Variants in ENY2 observed in about 807,000 individuals in gnomAD.
ENY2 encodes the protein transcription and mRNA export factor ENY2.
In ENY2, 4 loss-of-function variants were observed where a neutral mutation model predicts 15.9. The observed-to-expected ratio is 0.25, with a 90% CI of 0.12 to 0.57. The LOEUF (loss-of-function observed/expected upper bound fraction) is 0.57, where lower values mean the gene tolerates loss of function less well. Among genes scored for constraint, ENY2 ranks in the 20% least tolerant of loss-of-function variants. The pLI is 0.91. For missense variants in ENY2, 54 were observed against 117.2 expected (o/e 0.46, Z 2.49); for synonymous variants, 48 against 38.0 (o/e 1.26, Z -0.97).
chr8:109,342,164 C>CCCTTTTTT (rs1491293397), intron 4 of ENY2, among the ~76,000 whole-genome samples: 1 of 130,964 alleles, frequency 7.6e-6, no homozygotes, highest in Non-Finnish European at 1.7e-5. Context: ...TAACCCCCCC[C>CCCTTTTTT]TTTTTTTTTT....
chr8:109,340,747 T>C, intron 4 of ENY2, 184 bp downstream of exon 4: 1 of 639,994 alleles, frequency 1.6e-6, no homozygotes, highest in Non-Finnish European at 2.7e-6. Context: ...AGATACTAGG[T>C]TTCAGTGTTC....
intron 3 of ENY2, chr8:109,340,288 C>A: frequency 1.6e-6 from 1 of 615,714 alleles, no homozygotes; most frequent in Non-Finnish European, 2.7e-6. Flanking sequence ...GGTTATTTAG[C>A]TGAGACTTAC....
chr8:109,342,033 C>T (rs895322271), intron 4 of ENY2, among the ~76,000 whole-genome samples: 3 of 152,038 alleles, frequency 2.0e-5, no homozygotes, highest in Non-Finnish European at 2.9e-5. Context: ...TTAAACTAAA[C>T]AGTTTGTAAA....
At position 109,341,456 on chromosome 8, in the gene ENY2, G is replaced by GA. The variant is rs900465958; in HGVS notation, c.229+901dup. ...TTCTTCAAGTATGTCTCGGGGAAAG[G>GA]AAAAAAAATTATTATTCCCCTTATG... is the stretch of plus-strand genomic sequence containing the variant. On this transcript the variant is annotated intron_variant, in intron 4 of 4. Coordinates refer to ENST00000521688, the MANE Select transcript of ENY2 (RefSeq NM_020189.6). Among the ~76,000 whole-genome samples, 13 of 151,100 alleles carry GA rather than the reference G, an allele frequency of 8.6e-5. No homozygotes were observed. The East Asian group carries it at 2.3e-3, about 27-fold the overall frequency.
rs994265880 is a variant in ENY2, at chr8:109,344,836, C to T, written c.*1355C>T. ...TTGTAGTAGACTTAGTATTTCTTTGCCTTAGTTGATCTGTGACCCCTCCAA... is the reference window on the plus strand; with the variant it reads ...TTGTAGTAGACTTAGTATTTCTTTGTCTTAGTTGATCTGTGACCCCTCCAA... On this transcript the variant is annotated 3_prime_UTR_variant, in exon 5 of 5. Transcript: ENST00000521688. The T allele has an allele frequency of 2.0e-5, 3 of 152,180 alleles. No homozygotes were observed. The highest frequency in any genetic ancestry group is 7.2e-5 in the African/African-American group (3 of 41,444). 9.4% of individuals were successfully genotyped at this position (152,180 alleles called of 1,614,324 possible).
chr8:109,334,687 T>A (rs1207726554), intron 1 of ENY2: 1 of 581,500 alleles, frequency 1.7e-6, no homozygotes, highest in Non-Finnish European at 3.0e-6. Context: ...CCTGTTCTAT[T>A]TTCCCTAAGA....
intron 2 of ENY2, among the ~76,000 whole-genome samples, chr8:109,336,954 A>C (rs1052145447): frequency 8.6e-5 from 13 of 151,948 alleles, no homozygotes; most frequent in Non-Finnish European, 1.3e-4. Context: ...AATATGTATA[A>C]GGAAGAGGGG....
chr8:109,340,417 C>G, intron 3 of ENY2, 72 bp from the exon 4 acceptor site: 1 of 1,587,320 alleles, frequency 6.3e-7, no homozygotes, highest in Non-Finnish European at 8.6e-7. Context: ...GATCTTAACC[C>G]TTCCTCTATG....
Position 109,344,331 on chromosome 8 carries a change from G to C in ENY2, c.*850G>C, listed in dbSNP as rs1816186927. On this transcript the variant is annotated 3_prime_UTR_variant, in exon 5 of 5. Transcript: ENST00000521688. Reference sequence around the variant, plus strand: ...TTGCTGTCTGGGACTTGTAGATAATGGTGTTTCCTAGGGCTCCCTCCAGGG... The same window carrying C: ...TTGCTGTCTGGGACTTGTAGATAATCGTGTTTCCTAGGGCTCCCTCCAGGG... 1 of 152,156 alleles carries C rather than the reference G, an allele frequency of 6.6e-6. No individual in the cohort carries two copies. The highest frequency in any genetic ancestry group is 2.4e-5 in the African/African-American group (1 of 41,420). The allele number at this position is 152,156 out of a possible 1,614,324, so 9.4% of individuals were successfully genotyped here. A position where few individuals can be genotyped will look rare whatever the true frequency, so the allele number is the denominator to read the frequency against.
intron 1 of ENY2, chr8:109,334,697 A>T (rs1357907340): frequency 1.8e-6 from 1 of 568,324 alleles, no homozygotes; most frequent in Non-Finnish European, 3.0e-6. Flanking sequence ...TTTCCCTAAG[A>T]ATGTCTGAAC....
chr8:109,339,427 T>G, intron 3 of ENY2, 37 bp downstream of exon 3: 1 of 1,582,094 alleles, frequency 6.3e-7, no homozygotes, highest in Non-Finnish European at 8.7e-7. Flanking sequence ...CTAATCCCAT[T>G]TTTCTGATCA....
chr8:109,335,702 T>A (rs1815960036), intron 1 of ENY2: 1 of 152,908 alleles, frequency 6.5e-6, no homozygotes, highest in East Asian at 1.9e-4. Context: ...AATCTTTTTT[T>A]GATGTTTAGT....
chr8:109,334,636 T>C (rs1045875808), intron 1 of ENY2, 162 bp downstream of exon 1: 2 of 762,830 alleles, frequency 2.6e-6, no homozygotes, highest in Middle Eastern at 3.6e-4. Flanking sequence ...CCTCGCTTTG[T>C]TTTCTGGCTC....
Position 109,345,697 on chromosome 8 carries a change from G to T in ENY2, c.*2216G>T, listed in dbSNP as rs1057482749. On this transcript the variant is annotated 3_prime_UTR_variant, in exon 5 of 5. Coordinates refer to ENST00000521688, the MANE Select transcript of ENY2 (RefSeq NM_020189.6). ...CTGTATATGGAAATAAACCAAATTTGCTCATAGAGATACTATTTTATTACC... is the reference window on the plus strand; with the variant it reads ...CTGTATATGGAAATAAACCAAATTTTCTCATAGAGATACTATTTTATTACC... 4 of 151,974 alleles carry T rather than the reference G, an allele frequency of 2.6e-5. No individual in the cohort carries two copies. Among genetic ancestry groups the T allele is most frequent in the Non-Finnish European group, 2.9e-5 (2 of 67,976 alleles). 9.4% of individuals were successfully genotyped at this position (151,974 alleles called of 1,614,324 possible).
At chr8:109,340,707 C>A in intron 4 of ENY2, 144 bp downstream of exon 4, 2 of 932,838 alleles carry the variant, frequency 2.1e-6, no homozygotes, top group Non-Finnish European at 3.2e-6. Context: ...TGCCTACCTG[C>A]CTCCTAGCAT....
chr8:109,335,335 T>C (rs1815941168), intron 1 of ENY2: 1 of 151,640 alleles, frequency 6.6e-6, no homozygotes, highest in South Asian at 2.1e-4. Flanking sequence ...GAGCCTTATC[T>C]AGTAATTTTA....
chr8:109,341,253 T>C (rs1267188297), intron 4 of ENY2, among the ~76,000 whole-genome samples: 1 of 152,174 alleles, frequency 6.6e-6, no homozygotes, highest in East Asian at 1.9e-4. Flanking sequence ...ATGGCCCAAG[T>C]TGTTTTCTCA....
At chr8:109,334,566 G>A (rs190550298) in intron 1 of ENY2, 92 bp downstream of exon 1, 8 of 1,465,306 alleles carry the variant, frequency 5.5e-6, no homozygotes, top group African/African-American at 1.4e-5. Flanking sequence ...CCCGACCCGC[G>A]CTCGCGGGCC....
rs1427419641 is a variant in ENY2, at chr8:109,345,501, C to T, written c.*2020C>T. On this transcript the variant is annotated 3_prime_UTR_variant, in exon 5 of 5. Coordinates refer to ENST00000521688, the MANE Select transcript of ENY2 (RefSeq NM_020189.6). ...TTTGAGCCTGAGATAAGCACACAAT[C>T]ACAAAACCTACCCAAACAAGTTTTT... is the stretch of plus-strand genomic sequence containing the variant. 6 of 152,110 alleles carry T rather than the reference C, an allele frequency of 3.9e-5. No homozygotes were observed. Among genetic ancestry groups the T allele is most frequent in the Non-Finnish European group, 7.4e-5 (5 of 68,022 alleles). The allele number at this position is 152,110 out of a possible 1,614,324, so 9.4% of individuals were successfully genotyped here.
Sources: gnomAD v4.1 joint callset for allele counts (sites outside exome capture counted in the v4.1 genomes callset) on GRCh38, gnomAD v4.1.1 for gene constraint, MANE v1.5 for transcripts, NCBI Gene and HGNC (gene_info 2026-07-23, HGNC 2026-07-21) for gene names.